The following PLEKHG3 variants were observed in gnomAD, a reference collection of about 807,000 sequenced individuals.
PLEKHG3 encodes the protein pleckstrin homology domain-containing family G member 3.
PLEKHG3 carries 62 observed loss-of-function variants against 94.9 expected under a neutral mutation model. The ratio of observed to expected loss-of-function variants is 0.65; its 90% CI spans 0.53 to 0.81. The LOEUF is 0.81. PLEKHG3 is among the 30% of genes least tolerant of loss of function. The pLI is 0.00. For synonymous variants in PLEKHG3, 614 were observed against 654.0 expected (o/e 0.94, Z 0.93); for missense variants, 1,461 against 1,619.3 (o/e 0.90, Z 1.68).
At chr14:64,708,251 C>T (rs1238571598) in intron 1 of PLEKHG3, among the ~76,000 whole-genome samples, 1 of 152,328 alleles carries the variant, frequency 6.6e-6, no homozygotes, top group South Asian at 2.1e-4. Flanking sequence ...TGACCACCCC[C>T]CTCTTGCTCT....
rs1301058932 is a variant in PLEKHG3, at chr14:64,727,236, C to A, written c.-39-357C>A. 1.3e-5 allele frequency among the ~76,000 whole-genome samples: 2 copies of A among 152,142 alleles called. No individual in the cohort carries two copies. Among genetic ancestry groups the A allele is most frequent in the Non-Finnish European group, 2.9e-5 (2 of 68,022 alleles). Reference sequence around the variant, plus strand: ...TGAATTCCTTAGAGGGTACCTGGACCACTGTGCTGGCAGGTGGACTTGGGC... The same window carrying A: ...TGAATTCCTTAGAGGGTACCTGGACAACTGTGCTGGCAGGTGGACTTGGGC... On this transcript the variant is annotated intron_variant, in intron 1 of 16. Coordinates refer to ENST00000247226, the MANE Select transcript of PLEKHG3 (RefSeq NM_001308147.2). The surrounding 1 kb of genome is among the most constrained non-coding windows in gnomAD (Gnocchi z 6.0).
At position 64,743,345 on chromosome 14, in the gene PLEKHG3, T is replaced by G; in HGVS notation, c.3302T>G (p.Leu1101Arg). Reference protein sequence around the residue: ...LSGRVGRCRSLSTKRGRGGGE... With the variant: ...LSGRVGRCRSRSTKRGRGGGE... ...GGCAGGGTGGGCCGCTGCCGCAGCC[T>G]GAGCACCAAGAGGGGCCGGGGAGGC... The change falls in exon 17 of 17, where the codon CTG becomes CGG. Residue 1101 changes from leucine to arginine, a missense_variant. Physicochemically the swap from Leu to Arg is moderately radical, Grantham distance 102. This residue lies in a region of PLEKHG3 where 1,201 missense variants were observed against 1,295.5 expected (regional missense o/e 0.93). Transcript: ENST00000247226. The surrounding 1 kb of genome is among the most constrained non-coding windows in gnomAD (Gnocchi z 7.2). The G allele has an allele frequency of 3.1e-6, 5 of 1,607,840 alleles. No homozygotes were observed. Among genetic ancestry groups the G allele is most frequent in the Non-Finnish European group, 4.2e-6 (5 of 1,177,398 alleles).
In PLEKHG3 at chr14:64,704,838, G is replaced by T. The variant is rs577305397; in HGVS notation, c.-40+134G>T. ...AGCCCCCTGCGGGGTGAGGACCGGG[G>T]CGACCGAGGAGGGCCTGGAACTGTG... On this transcript the variant is annotated intron_variant, in intron 1 of 16. Transcript: ENST00000247226. The surrounding 1 kb of genome is among the most constrained non-coding windows in gnomAD (Gnocchi z 5.6). The T allele has an allele frequency of 2.0e-5, 3 of 152,534 alleles. No individual in the cohort carries two copies. Among genetic ancestry groups the T allele is most frequent in the Non-Finnish European group, 4.4e-5 (3 of 68,280 alleles). The allele number at this position is 152,534 out of a possible 1,614,324, so 9.4% of individuals were successfully genotyped here.
At position 64,726,330 on chromosome 14, in the gene PLEKHG3, G is replaced by T. The variant is rs2081352606; in HGVS notation, c.-39-1263G>T. Among the ~76,000 whole-genome samples, 1 of 152,148 alleles carries T rather than the reference G, an allele frequency of 6.6e-6. No homozygotes were observed. The highest frequency in any genetic ancestry group is 2.4e-5 in the African/African-American group (1 of 41,420). On this transcript the variant is annotated intron_variant, in intron 1 of 16. Transcript: ENST00000247226. The surrounding 1 kb of genome is among the most constrained non-coding windows in gnomAD (Gnocchi z 5.1). ...TCTCTGCCCTTTAGTCATGTCTGGG[G>T]TCTAGTCACTTCTGAGCCCTAGAGC...
rs17102000 is a variant in PLEKHG3, at chr14:64,716,008, A to G, written c.-40+11304A>G. On this transcript the variant is annotated intron_variant, in intron 1 of 16. Transcript: ENST00000247226. This position sits in a 1 kb window ranked among gnomAD's most constrained non-coding sequence, Gnocchi z 5.0. Reference sequence around the variant, plus strand: ...GCTCACCCCAAGCCTGTTAACTGCTAGGTTGCCGGTGCTGGGGACAATGCG... The same window carrying G: ...GCTCACCCCAAGCCTGTTAACTGCTGGGTTGCCGGTGCTGGGGACAATGCG... The G allele has an allele frequency of 9.6e-3, 4,374 of 455,922 alleles. 158 individuals carry two copies. The highest frequency in any genetic ancestry group is 0.077 in the African/African-American group (3,858 of 50,158). 28.2% of individuals were successfully genotyped at this position (455,922 alleles called of 1,614,324 possible).
chr14:64,709,523 T>G (rs1360685674), intron 1 of PLEKHG3, among the ~76,000 whole-genome samples: 1 of 152,136 alleles, frequency 6.6e-6, no homozygotes, highest in Admixed American at 6.5e-5. Context: ...GTGGTAGCTG[T>G]GCATGCAGCC....
Position 64,749,555 on chromosome 14 carries a change from T to C in PLEKHG3, c.*5852T>C. The C allele has an allele frequency of 6.2e-7, 1 of 1,603,368 alleles. No homozygotes were observed. The highest frequency in any genetic ancestry group is 1.3e-5 in the African/African-American group (1 of 75,000). ...GCCAGGCAACAATGGTGGGGGCTCT[T>C]GGGACTGCCCCTTCTGAGGGGGCCT... On this transcript the variant is annotated 3_prime_UTR_variant, in exon 17 of 17. Transcript: ENST00000247226. This position sits in a 1 kb window ranked among gnomAD's most constrained non-coding sequence, Gnocchi z 4.7.
rs1384515504 is a variant in PLEKHG3, at chr14:64,743,273, A to G, written c.3230A>G (p.Asn1077Ser). ...GGCCGGCCCCGCGGCCCACCCGTCA[A>G]CAGGAGCCACTCGGTGCCGGAGAAC... Reference protein sequence around the residue: ...GGGRPRGPPVNRSHSVPENMV... With the variant: ...GGGRPRGPPVSRSHSVPENMV... Residue 1077 changes from asparagine (N) to serine (S), a missense_variant, in exon 17 of 17, where the codon AAC (asparagine) becomes AGC (serine). By Grantham distance (46) the Asn-to-Ser change is conservative. Transcript: ENST00000247226. The surrounding 1 kb of genome is among the most constrained non-coding windows in gnomAD (Gnocchi z 7.2). 7 of 1,607,272 alleles carry G rather than the reference A, an allele frequency of 4.4e-6. No individual in the cohort carries two copies. The highest frequency in any genetic ancestry group is 5.9e-6 in the Non-Finnish European group (7 of 1,178,870).
chr14:64,749,364 G>C lies in PLEKHG3; in HGVS notation c.*5661G>C. ...CTCCTTGTCTTTCTTGCCGAGGCTGGCGTCGGGGCCGGAGAGGGAAGGCAG... is the reference window on the plus strand; with the variant it reads ...CTCCTTGTCTTTCTTGCCGAGGCTGCCGTCGGGGCCGGAGAGGGAAGGCAG... On this transcript the variant is annotated 3_prime_UTR_variant, in exon 17 of 17. Coordinates refer to ENST00000247226, the MANE Select transcript of PLEKHG3 (RefSeq NM_001308147.2). The surrounding 1 kb of genome is among the most constrained non-coding windows in gnomAD (Gnocchi z 4.7). The C allele has an allele frequency of 6.2e-7, 1 of 1,610,716 alleles. No homozygotes were observed. Among genetic ancestry groups the C allele is most frequent in the East Asian group, 2.2e-5 (1 of 44,882 alleles).
Position 64,730,808 on chromosome 14 carries a change from C to T in PLEKHG3, c.576C>T (p.Ala192=), listed in dbSNP as rs765318751. ...QYCNNYPNSV[A]ALTECMRDKQ... ...CTTCTCCCACTCCCAGCTCCGTGGC[C>T]GCCCTGACGGAATGCATGCGGGACA... Residue 192 remains alanine, a synonymous_variant, in exon 6 of 17, where the codon GCC becomes GCT. Transcript: ENST00000247226. This position sits in a 1 kb window ranked among gnomAD's most constrained non-coding sequence, Gnocchi z 5.4. 29 of 1,613,116 alleles carry T rather than the reference C, an allele frequency of 1.8e-5. No individual in the cohort carries two copies. Among genetic ancestry groups the T allele is most frequent in the South Asian group, 1.4e-4 (13 of 91,070 alleles).
intron 12 of PLEKHG3, among the ~76,000 whole-genome samples, chr14:64,735,154 A>G (rs2081546531): frequency 6.6e-6 from 1 of 152,198 alleles, no homozygotes; most frequent in South Asian, 2.1e-4. Context: ...GTGAACTGCC[A>G]GATGCTTGAG....
In PLEKHG3 at chr14:64,738,231, T is replaced by C; in HGVS notation, c.1405-511T>C. The C allele has an allele frequency of 7.8e-7, 1 of 1,286,162 alleles. No individual in the cohort carries two copies. The highest frequency in any genetic ancestry group is 1.2e-5 in the South Asian group (1 of 80,940). The allele number at this position is 1,286,162 out of a possible 1,614,324, so 79.7% of individuals were successfully genotyped here. On this transcript the variant is annotated intron_variant, in intron 14 of 16. Coordinates refer to ENST00000247226, the MANE Select transcript of PLEKHG3 (RefSeq NM_001308147.2). The surrounding 1 kb of genome is among the most constrained non-coding windows in gnomAD (Gnocchi z 4.8). ...TTTCTCCCGGGGCGCTATGGTGAGGTGTCTCTTCGATCTCCCCTCCTCCTT... is the reference window on the plus strand; with the variant it reads ...TTTCTCCCGGGGCGCTATGGTGAGGCGTCTCTTCGATCTCCCCTCCTCCTT...
In PLEKHG3 at chr14:64,743,812, G is replaced by GGC; in HGVS notation, c.*111_*112dup. 8.0e-7 allele frequency: 1 copy of GGC among 1,256,840 alleles called. No homozygotes were observed. The highest frequency in any genetic ancestry group is 1.6e-5 in the South Asian group (1 of 63,280). 77.9% of individuals were successfully genotyped at this position (1,256,840 alleles called of 1,614,324 possible). A position where few individuals can be genotyped will look rare whatever the true frequency, so the allele number is the denominator to read the frequency against. Reference sequence around the variant, plus strand: ...AGCCCCTGCCCAGGGCCCTCAGGTGGGCGGAAAGTCCATCCCCTCCGCCCT... The same window carrying GGC: ...AGCCCCTGCCCAGGGCCCTCAGGTGGGCGCGGAAAGTCCATCCCCTCCGCCCT... On this transcript the variant is annotated 3_prime_UTR_variant, in exon 17 of 17. Transcript: ENST00000247226. The surrounding 1 kb of genome is among the most constrained non-coding windows in gnomAD (Gnocchi z 7.2).
At position 64,750,222 on chromosome 14, in the gene PLEKHG3, C is replaced by T. The variant is rs1159496007; in HGVS notation, c.*6519C>T. 4 of 1,508,510 alleles carry T rather than the reference C, an allele frequency of 2.7e-6. No individual in the cohort carries two copies. Among genetic ancestry groups the T allele is most frequent in the Non-Finnish European group, 3.6e-6 (4 of 1,115,814 alleles). The allele number at this position is 1,508,510 out of a possible 1,614,324, so 93.4% of individuals were successfully genotyped here. Reference sequence around the variant, plus strand: ...GTATCTCTAGAGTCAATTCCTATAGCTTCACCATTAAAAAAAATTACACCA... The same window carrying T: ...GTATCTCTAGAGTCAATTCCTATAGTTTCACCATTAAAAAAAATTACACCA... On this transcript the variant is annotated 3_prime_UTR_variant, in exon 17 of 17. Transcript: ENST00000247226.
chr14:64,735,369 TG>T (rs1368923596), intron 12 of PLEKHG3, among the ~76,000 whole-genome samples: 2 of 152,164 alleles, frequency 1.3e-5, no homozygotes, highest in Admixed American at 6.5e-5. Flanking sequence ...CCTAGCACCT[TG>T]GGAGGCTGAG....
Position 64,747,828 on chromosome 14 carries a change from A to T in PLEKHG3, c.*4125A>T, listed in dbSNP as rs2081872526. The T allele has an allele frequency of 9.6e-6, 1 of 103,896 alleles. No individual in the cohort carries two copies. Among genetic ancestry groups the T allele is most frequent in the Non-Finnish European group, 1.8e-5 (1 of 55,548 alleles). The allele number at this position is 103,896 out of a possible 1,614,324, so 6.4% of individuals were successfully genotyped here. The stretch of plus-strand genomic sequence containing the variant: ...CTCCCCCCCACCCCCGACCCGCTTG[A>T]CTGCTCTCTTGGACCTAACCCTAGT... On this transcript the variant is annotated 3_prime_UTR_variant, in exon 17 of 17. Coordinates refer to ENST00000247226, the MANE Select transcript of PLEKHG3 (RefSeq NM_001308147.2).
chr14:64,718,775 T>C lies in PLEKHG3; in HGVS notation c.-39-8818T>C, dbSNP rs1213761156. Among the ~76,000 whole-genome samples, 1 of 152,180 alleles carries C rather than the reference T, an allele frequency of 6.6e-6. No individual in the cohort carries two copies. The highest frequency in any genetic ancestry group is 1.5e-5 in the Non-Finnish European group (1 of 68,014). On this transcript the variant is annotated intron_variant, in intron 1 of 16. Transcript: ENST00000247226. The surrounding 1 kb of genome is among the most constrained non-coding windows in gnomAD (Gnocchi z 5.0). ...CCGCACTAGAGCCTTTCCCAGTACC[T>C]TGCTGTTTTGTCTTATGCCCTGGCC...
chr14:64,731,548 C>A lies in PLEKHG3; in HGVS notation c.1032+5C>A. ...GTCTACAAGGGCAACATCCCGGTAACCAGGCCCTGCCCCATCTCCTCTGCC... is the reference window on the plus strand; with the variant it reads ...GTCTACAAGGGCAACATCCCGGTAAACAGGCCCTGCCCCATCTCCTCTGCC... On this transcript the variant is annotated splice_donor_5th_base_variant and intron_variant, in intron 8 of 16. Transcript: ENST00000247226. This position sits in a 1 kb window ranked among gnomAD's most constrained non-coding sequence, Gnocchi z 6.1. 1 of 1,613,302 alleles carries A rather than the reference C, an allele frequency of 6.2e-7. No homozygotes were observed. Among genetic ancestry groups the A allele is most frequent in the Non-Finnish European group, 8.5e-7 (1 of 1,179,316 alleles).
rs2081389597 is a variant in PLEKHG3 at position 64,728,129 on chromosome 14, C to T, written c.351+147C>T. On this transcript the variant is annotated intron_variant, in intron 2 of 16. Coordinates refer to ENST00000247226, the MANE Select transcript of PLEKHG3 (RefSeq NM_001308147.2). The surrounding 1 kb of genome is among the most constrained non-coding windows in gnomAD (Gnocchi z 5.9). Reference sequence around the variant, plus strand: ...CTGACTGCACTGTGAAAGCTGTTGACCCCTGAGGCTTCCCTAGGACCTTGG... The same window carrying T: ...CTGACTGCACTGTGAAAGCTGTTGATCCCTGAGGCTTCCCTAGGACCTTGG... 1.7e-6 allele frequency: 1 copy of T among 597,666 alleles called. No homozygotes were observed. The highest frequency in any genetic ancestry group is 3.1e-5 in the Admixed American group (1 of 31,756). The allele number at this position is 597,666 out of a possible 1,614,324, so 37.0% of individuals were successfully genotyped here.
Sources: gnomAD v4.1 joint callset for allele counts (sites outside exome capture counted in the v4.1 genomes callset) on GRCh38, gnomAD v4.1.1 for gene constraint, gnomAD v4.1.1 regional missense constraint, Gnocchi (gnomAD v3.1) non-coding constraint, MANE v1.5 for transcripts, NCBI Gene and HGNC (gene_info 2026-07-23, HGNC 2026-07-21) for gene names.